The following CROCC variants were observed in gnomAD, a reference collection of about 807,000 sequenced individuals.
CROCC encodes the protein rootletin.
A neutral mutation model predicts 245.2 loss-of-function variants in CROCC; 180 were observed. That is an observed-to-expected ratio of 0.73 (90% CI 0.65 to 0.83). The LOEUF (loss-of-function observed/expected upper bound fraction) is 0.83. CROCC is among the 40% of genes least tolerant of loss of function. CROCC has a pLI of 0.00. For missense variants in CROCC, 2,688 were observed against 2,779.4 expected, an observed-to-expected ratio of 0.97 and a Z score of 0.74; for synonymous variants, 1,205 against 1,241.6, an observed-to-expected ratio of 0.97 and a Z score of 0.62.
In CROCC at chr1:16,965,775, C is replaced by T. The variant is rs2076405734; in HGVS notation, c.4458C>T (p.Ser1486=). 1.2e-6 allele frequency: 2 copies of T among 1,613,836 alleles called. No individual in the cohort carries two copies. The highest frequency in any genetic ancestry group is 1.7e-6 in the Non-Finnish European group (2 of 1,180,008). The part of the protein sequence containing the change: ...SPSTLECSPG[S]QPPSPGPATS... Reference sequence around the variant, plus strand: ...GCACCTTAGAATGCAGCCCTGGGTCCCAGCCACCATCTCCAGGACCTGCCA... The same window carrying T: ...GCACCTTAGAATGCAGCCCTGGGTCTCAGCCACCATCTCCAGGACCTGCCA... The change falls in exon 28 of 37, where the codon TCC becomes TCT. Residue 1486 remains serine (S), a synonymous_variant. Transcript: ENST00000375541.
intron 12 of CROCC, 59 bp downstream of exon 12, chr1:16,939,201 C>T (rs2075864070): frequency 1.2e-6 from 1 of 868,440 alleles, no homozygotes; most frequent in Non-Finnish European, 1.5e-6. Flanking sequence ...GGGCTCGCGC[C>T]CTCCGGGTGG....
rs1570606805 is a variant in CROCC, at chr1:16,931,400, G to A, written c.956+3G>A. The A allele has an allele frequency of 6.2e-7, 1 of 1,609,666 alleles. No homozygotes were observed. Among genetic ancestry groups the A allele is most frequent in the Non-Finnish European group, 8.5e-7 (1 of 1,176,868 alleles). ...GAGGTGAAGATGTTCACTGAGAGGTGAGGCCTGGCCGGGGACGGGGCAGCA... is the reference window on the plus strand; with the variant it reads ...GAGGTGAAGATGTTCACTGAGAGGTAAGGCCTGGCCGGGGACGGGGCAGCA... On this transcript the variant is annotated splice_donor_region_variant and intron_variant, in intron 8 of 36. Transcript: ENST00000375541.
In CROCC at chr1:16,970,315, C is replaced by T. The variant is rs368665629; in HGVS notation, c.5514C>T (p.Asp1838=). 114 of 1,584,522 alleles carry T rather than the reference C, an allele frequency of 7.2e-5. No individual in the cohort carries two copies. Among genetic ancestry groups the T allele is most frequent in the Admixed American group, 5.4e-5 (3 of 55,630 alleles). Residue 1838 remains aspartate, a synonymous_variant, in exon 34 of 37, where the codon GAC becomes GAT. Coordinates refer to ENST00000375541, the MANE Select transcript of CROCC (RefSeq NM_014675.5). The stretch of plus-strand genomic sequence containing the variant: ...TGAACACCGTCCAGAAGCTGCAAGA[C>T]GAGCGGCGGCTGCTGCAGGAGCGCC... ...AALNTVQKLQ[D]ERRLLQERLG...
rs531337192 is a variant in CROCC, at chr1:16,947,203, G to A, written c.2514+212G>A. On this transcript the variant is annotated intron_variant, in intron 17 of 36. Transcript: ENST00000375541. ...ATCTATAACATGGGGCCAGCCAGGC[G>A]CAGTGGCTCACGCCTATAATCCCAG... 5.2e-5 allele frequency among the ~76,000 whole-genome samples: 8 copies of A among 152,402 alleles called. No homozygotes were observed. The South Asian group carries it at 1.0e-3, about 20-fold the overall frequency.
intron 3 of CROCC, among the ~76,000 whole-genome samples, chr1:16,926,259 G>A (rs1169633446): frequency 3.3e-5 from 5 of 152,270 alleles, no homozygotes; most frequent in Admixed American, 6.5e-5. Context: ...TTCCTGGAGG[G>A]TGGGTCCCCA....
chr1:16,965,343 G>A (rs1045661085), intron 27 of CROCC, among the ~76,000 whole-genome samples: 1 of 152,170 alleles, frequency 6.6e-6, no homozygotes, highest in African/African-American at 2.4e-5. Context: ...TGGTCGGGGT[G>A]GGGGTGGCAG....
chr1:16,955,454 G>A lies in CROCC; in HGVS notation c.3608G>A (p.Arg1203His), dbSNP rs779341603. The change falls in exon 24 of 37, where the codon CGC (arginine) becomes CAC (histidine). Residue 1203 changes from arginine (R) to histidine (H), a missense_variant. Physicochemically the swap from Arg to His is conservative, Grantham distance 29. Coordinates refer to ENST00000375541, the MANE Select transcript of CROCC (RefSeq NM_014675.5). ...CGCCAGGAGGCAGGCGAGCTGCGAC[G>A]CAGCCTGGGCGAGGGTGCCAAGGAG... ...VQRQEAGELR[R>H]SLGEGAKERE... The A allele has an allele frequency of 1.7e-5, 27 of 1,591,584 alleles. No individual in the cohort carries two copies. The highest frequency in any genetic ancestry group is 2.2e-5 in the Non-Finnish European group (26 of 1,172,344).
chr1:16,947,763 G>A (rs192222309), intron 17 of CROCC, among the ~76,000 whole-genome samples: 761 of 152,198 alleles, frequency 5.0e-3, no homozygotes, highest in Admixed American at 8.6e-3. Flanking sequence ...TGCAAGTTTA[G>A]AGTAATACAA....
At chr1:16,926,242 A>G (rs2075532292) in intron 3 of CROCC, among the ~76,000 whole-genome samples, 1 of 152,274 alleles carries the variant, frequency 6.6e-6, no homozygotes, top group Non-Finnish European at 1.5e-5. Context: ...AATGACCTCA[A>G]AGGCCTTTCC....
rs1245878174 is a variant in CROCC at position 16,960,814 on chromosome 1, G to GCGA, written c.4092_4094dup (p.Arg1365dup). The GCGA allele has an allele frequency of 1.3e-6, 2 of 1,522,152 alleles. No individual in the cohort carries two copies. Among genetic ancestry groups the GCGA allele is most frequent in the Admixed American group, 2.0e-5 (1 of 50,266 alleles). The allele number at this position is 1,522,152 out of a possible 1,614,324, so 94.3% of individuals were successfully genotyped here. A position where few individuals can be genotyped will look rare whatever the true frequency, so the allele number is the denominator to read the frequency against. On this transcript the variant is annotated inframe_insertion, in exon 27 of 37. Transcript: ENST00000375541. ...AAGAAGGCGAGTTCCGGACCCGCGA[G>GCGA]CGACGCCTGCTGGGCTCCCTGGAGG... is the stretch of plus-strand genomic sequence containing the variant.
rs927841146 is a variant in CROCC, at chr1:16,970,348, C to A, written c.5547C>A (p.Ser1849Arg). 1 of 1,592,808 alleles carries A rather than the reference C, an allele frequency of 6.3e-7. No homozygotes were observed. The highest frequency in any genetic ancestry group is 8.5e-7 in the Non-Finnish European group (1 of 1,170,762). Residue 1849 changes from serine to arginine, a missense_variant, in exon 34 of 37, where the codon AGC becomes AGA. Ser to Arg is a moderately radical substitution (Grantham distance 110, BLOSUM62 -1). Coordinates refer to ENST00000375541, the MANE Select transcript of CROCC (RefSeq NM_014675.5). ...GGCTGCTGCAGGAGCGCCTGGGAAG[C>A]CTGCAGCGCGCCCTGGCTCAGCTGG... Reference protein sequence around the residue: ...ERRLLQERLGSLQRALAQLEA... With the variant: ...ERRLLQERLGRLQRALAQLEA...
At chr1:16,948,110 C>A (rs892418949) in intron 17 of CROCC, among the ~76,000 whole-genome samples, 1 of 152,286 alleles carries the variant, frequency 6.6e-6, no homozygotes, top group African/African-American at 2.4e-5. Flanking sequence ...ATTATAGGCA[C>A]GCACCACCGT....
chr1:16,938,641 C>T (rs1488667390), intron 11 of CROCC, among the ~76,000 whole-genome samples, 158 bp downstream of exon 11: 1 of 152,292 alleles, frequency 6.6e-6, no homozygotes, highest in Non-Finnish European at 1.5e-5. Flanking sequence ...CCAGCCTCTG[C>T]CTTGGGGAGC....
intron 13 of CROCC, 80 bp downstream of exon 13, chr1:16,940,173 T>A: frequency 7.0e-7 from 1 of 1,432,734 alleles, no homozygotes; most frequent in Non-Finnish European, 9.5e-7. Flanking sequence ...CTTATGCGTA[T>A]GGCTCTGCAC....
chr1:16,919,887 AT>A (rs2075367274), upstream of CROCC, among the ~76,000 whole-genome samples: 1 of 152,162 alleles, frequency 6.6e-6, no homozygotes. Context: ...GTCTAGTCTC[AT>A]TTTATTTTAT....
rs899614780 is a variant in CROCC, at chr1:16,964,496, C to T, written c.4406-1227C>T. 4.6e-5 allele frequency among the ~76,000 whole-genome samples: 7 copies of T among 152,150 alleles called. No homozygotes were observed. In the East Asian group the frequency reaches 1.2e-3, roughly 25 times the overall value. On this transcript the variant is annotated intron_variant, in intron 27 of 36. Coordinates refer to ENST00000375541, the MANE Select transcript of CROCC (RefSeq NM_014675.5). ...CTCCCAGGTCCCAGTTCAAGCAATT[C>T]TCCTGCCTCAGCCTCCTGAGTAGCT...
In CROCC at chr1:16,954,901, A is replaced by G. The variant is rs2100503439; in HGVS notation, c.3465+24A>G. 6.6e-7 allele frequency: 1 copy of G among 1,508,236 alleles called. No homozygotes were observed. The highest frequency in any genetic ancestry group is 1.3e-5 in the South Asian group (1 of 79,850). 93.4% of individuals were successfully genotyped at this position (1,508,236 alleles called of 1,614,324 possible). A position where few individuals can be genotyped will look rare whatever the true frequency, so the allele number is the denominator to read the frequency against. On this transcript the variant is annotated intron_variant, in intron 23 of 36. Transcript: ENST00000375541. The surrounding 1 kb of genome is among the most constrained non-coding windows in gnomAD (Gnocchi z 4.4). ...AGGTGAGCAGCCGCCCCCCTCTTCC[A>G]AGCAGCATACCCTAAATGGCACTGT...
intron 4 of CROCC, 38 bp downstream of exon 4, chr1:16,930,069 G>C: frequency 6.4e-7 from 1 of 1,568,456 alleles, no homozygotes; most frequent in Non-Finnish European, 8.6e-7. Context: ...CCTCCCACCT[G>C]TTCACTTTGC....
chr1:16,969,970 C>T, intron 33 of CROCC, 36 bp downstream of exon 33: 2 of 1,542,290 alleles, frequency 1.3e-6, no homozygotes, highest in Non-Finnish European at 1.7e-6. Context: ...GTCCCCAAGA[C>T]TGTGAGGCCC....
Sources: allele counts gnomAD v4.1 joint callset (sites outside exome capture counted in the v4.1 genomes callset), GRCh38; gene constraint gnomAD v4.1.1; non-coding constraint Gnocchi (gnomAD v3.1); transcripts MANE v1.5; gene names NCBI Gene and HGNC (gene_info 2026-07-23, HGNC 2026-07-21).